Variants in HBS1L observed in about 807,000 individuals in gnomAD.
HBS1L encodes the protein HBS1-like protein.
Under a neutral mutation model 88.9 loss-of-function variants are expected in HBS1L, and 55 were observed. The ratio of observed to expected loss-of-function variants is 0.62; its 90% CI spans 0.50 to 0.77. The LOEUF (loss-of-function observed/expected upper bound fraction) is 0.77, where lower values mean the gene tolerates loss of function less well. Among genes scored for constraint, HBS1L ranks in the 30% least tolerant of loss-of-function variants. The probability of loss-of-function intolerance (pLI) is 0.00; values close to 1 mark genes in which losing one functional copy is unlikely to be tolerated. For synonymous variants in HBS1L, 267 were observed against 288.5 expected, an observed-to-expected ratio of 0.93 and a Z score of 0.76; for missense variants, 741 against 829.3, an observed-to-expected ratio of 0.89 and a Z score of 1.31.
At chr6:134,994,335 C>T (rs1381098336) in intron 7 of HBS1L, among the ~76,000 whole-genome samples, 1 of 152,062 alleles carries the variant, frequency 6.6e-6, no homozygotes. Flanking sequence ...TAATATGCTA[C>T]ATATTTAGAA....
chr6:134,965,249 A>G lies in HBS1L; in HGVS notation c.*30T>C. 6.4e-7 allele frequency: 1 copy of G among 1,553,688 alleles called. No homozygotes were observed. Among genetic ancestry groups the G allele is most frequent in the Non-Finnish European group, 8.9e-7 (1 of 1,127,400 alleles). ...AAACAGAGGTTAGCTATTTCACTGTATCCAGAAACGTGGTAGAAATTCTGA... is the reference window on the plus strand; with the variant it reads ...AAACAGAGGTTAGCTATTTCACTGTGTCCAGAAACGTGGTAGAAATTCTGA... On this transcript the variant is annotated 3_prime_UTR_variant, in exon 18 of 18. Coordinates refer to ENST00000367837, the MANE Select transcript of HBS1L (RefSeq NM_006620.4).
intron 9 of HBS1L, 45 bp from the exon 10 acceptor site, chr6:134,986,855 G>A: frequency 2.1e-6 from 2 of 941,778 alleles, no homozygotes; most frequent in Non-Finnish European, 1.6e-6. Flanking sequence ...TTCAGAACAT[G>A]ATACATAAAA....
At chr6:135,019,361 T>C (rs1776009829) in intron 4 of HBS1L, among the ~76,000 whole-genome samples, 1 of 151,950 alleles carries the variant, frequency 6.6e-6, no homozygotes, top group African/African-American at 2.4e-5. Context: ...AATAAAAATT[T>C]CATAGTATGC....
At chr6:134,972,064 T>C (rs1488638044) in intron 15 of HBS1L, among the ~76,000 whole-genome samples, 1 of 151,348 alleles carries the variant, frequency 6.6e-6, no homozygotes, top group Non-Finnish European at 1.5e-5. Flanking sequence ...TGTTCCCTTC[T>C]GTTATGTAAC....
At chr6:134,992,505 G>C (rs551619972) in intron 8 of HBS1L, among the ~76,000 whole-genome samples, 1 of 152,182 alleles carries the variant, frequency 6.6e-6, no homozygotes, top group East Asian at 1.9e-4. Context: ...TTATGATAGT[G>C]GTTTATGTAC....
intron 2 of HBS1L, among the ~76,000 whole-genome samples, chr6:135,047,177 A>G (rs1776939291): frequency 6.6e-6 from 1 of 152,242 alleles, no homozygotes; most frequent in Non-Finnish European, 1.5e-5. Flanking sequence ...GTCCTCAAGG[A>G]AGCTAGGCCA....
chr6:135,050,925 T>C (rs1777061196), intron 1 of HBS1L, among the ~76,000 whole-genome samples: 1 of 152,100 alleles, frequency 6.6e-6, no homozygotes, highest in Non-Finnish European at 1.5e-5. Context: ...AATACAATAA[T>C]CCTATAAAAA....
intron 4 of HBS1L, chr6:135,037,997 C>T: frequency 2.6e-6 from 4 of 1,520,914 alleles, no homozygotes; most frequent in Non-Finnish European, 3.5e-6. Flanking sequence ...ACATTATCAG[C>T]TGAAACTTCA....
At chr6:134,972,667 TAGG>T (rs1774523467) in intron 15 of HBS1L, among the ~76,000 whole-genome samples, 1 of 152,132 alleles carries the variant, frequency 6.6e-6, no homozygotes, top group African/African-American at 2.4e-5. Context: ...GCCTAGAGAA[TAGG>T]AGAAAATATC....
In HBS1L at chr6:134,997,480, C is replaced by A; in HGVS notation, c.716G>T (p.Gly239Val). 1 of 1,614,044 alleles carries A rather than the reference C, an allele frequency of 6.2e-7. No homozygotes were observed. The highest frequency in any genetic ancestry group is 8.5e-7 in the Non-Finnish European group (1 of 1,179,982). The part of the protein sequence containing the change: ...SSTPAPVKKS[G>V]KLRQQIDVKA... Reference sequence around the variant, plus strand: ...CACATCTATTTGCTGCCTCAGCTTGCCAGACTTTTTCACCGGTGCTGGGGT... The same window carrying A: ...CACATCTATTTGCTGCCTCAGCTTGACAGACTTTTTCACCGGTGCTGGGGT... The change falls in exon 6 of 18, where the codon GGC becomes GTC. Residue 239 changes from glycine to valine, a missense_variant. Transcript: ENST00000367837.
Position 134,982,529 on chromosome 6 carries a change from A to AT in HBS1L, c.1525dup (p.Ile509AsnfsTer10). 6.2e-7 allele frequency: 1 copy of AT among 1,611,176 alleles called. No individual in the cohort carries two copies. Among genetic ancestry groups the AT allele is most frequent in the Non-Finnish European group, 8.5e-7 (1 of 1,177,950 alleles). Reference sequence around the variant, plus strand: ...ACCAGTTTGGATATAACCAGCTTCTATTTTACCAGTTATGCAAAATCCAGA... The same window carrying AT: ...ACCAGTTTGGATATAACCAGCTTCTATTTTTACCAGTTATGCAAAATCCAGA... On this transcript the variant is annotated frameshift_variant, in exon 13 of 18. Coordinates refer to ENST00000367837, the MANE Select transcript of HBS1L (RefSeq NM_006620.4). LOFTEE classifies it high-confidence loss of function.
intron 4 of HBS1L, among the ~76,000 whole-genome samples, chr6:135,005,847 A>G (rs1174476311): frequency 6.6e-6 from 1 of 152,190 alleles, no homozygotes; most frequent in Non-Finnish European, 1.5e-5. Flanking sequence ...GATGCTTTCT[A>G]TTTTCTCCAT....
At chr6:134,974,657 A>G (rs1774590596) in intron 15 of HBS1L, among the ~76,000 whole-genome samples, 2 of 152,048 alleles carry the variant, frequency 1.3e-5, no homozygotes, top group African/African-American at 4.8e-5. Flanking sequence ...AAGCAAAAAA[A>G]AAACAGATGA....
At chr6:135,028,169 T>C (rs1036511881) in intron 4 of HBS1L, among the ~76,000 whole-genome samples, 5 of 151,126 alleles carry the variant, frequency 3.3e-5, no homozygotes, top group African/African-American at 9.8e-5. Context: ...CATTAAGTCA[T>C]ACCCAAACTT....
chr6:134,987,594 A>G (rs375342233), intron 9 of HBS1L, 51 bp downstream of exon 9: 1 of 1,446,518 alleles, frequency 6.9e-7, no homozygotes. Flanking sequence ...TACAAGCAGA[A>G]TAACATCTTA....
Position 135,054,780 on chromosome 6 carries a change from G to T in HBS1L, c.-89C>A. The T allele has an allele frequency of 6.7e-7, 1 of 1,492,560 alleles. No homozygotes were observed. The highest frequency in any genetic ancestry group is 1.4e-5 in the African/African-American group (1 of 72,572). 92.5% of individuals were successfully genotyped at this position (1,492,560 alleles called of 1,614,324 possible). On this transcript the variant is annotated 5_prime_UTR_variant, in exon 1 of 18. Transcript: ENST00000367837. ...GATAAGGCGCCAACTGCAGCCTGGA[G>T]AACCCCTATGCGCCATCTTGGCTTC...
chr6:135,027,228 AT>A (rs1776259908), intron 4 of HBS1L: 1 of 148,792 alleles, frequency 6.7e-6, no homozygotes, highest in African/African-American at 2.5e-5. Flanking sequence ...AAAAGAAAAA[AT>A]AGCTAACAGA....
rs151187664 is a variant in HBS1L at position 135,052,379 on chromosome 6, G to A, written c.44-1732C>T. On this transcript the variant is annotated intron_variant, in intron 1 of 17. Transcript: ENST00000367837. ...TGGGAAGCCGAGGAGGGAGGATCTCGCTTGGGCAACACAGCCGGATGCTGT... is the reference window on the plus strand; with the variant it reads ...TGGGAAGCCGAGGAGGGAGGATCTCACTTGGGCAACACAGCCGGATGCTGT... Among the ~76,000 whole-genome samples, 148 of 152,078 alleles carry A rather than the reference G, an allele frequency of 9.7e-4. 1 individual carries two copies. The highest frequency in any genetic ancestry group is 3.4e-3 in the African/African-American group (141 of 41,478).
intron 2 of HBS1L, among the ~76,000 whole-genome samples, chr6:135,042,826 C>CAAA (rs1415600534): frequency 2.5e-5 from 1 of 40,034 alleles, no homozygotes; most frequent in African/African-American, 6.9e-5. Flanking sequence ...AAAAAAAAAA[C>CAAA]AAAAAAAAAA....
Sources: gnomAD v4.1 joint callset for allele counts (sites outside exome capture counted in the v4.1 genomes callset) on GRCh38, gnomAD v4.1.1 for gene constraint, MANE v1.5 for transcripts, NCBI Gene and HGNC (gene_info 2026-07-23, HGNC 2026-07-21) for gene names.